Variants in KCNJ11 observed in about 807,000 individuals in gnomAD.
KCNJ11 encodes the protein potassium inwardly rectifying channel subfamily J member 11.
A neutral mutation model predicts 17.3 loss-of-function variants in KCNJ11; 12 were observed. That is an observed-to-expected ratio of 0.69 (90% confidence interval 0.44 to 1.12). The LOEUF (loss-of-function observed/expected upper bound fraction) is 1.12, where lower values mean the gene tolerates loss of function less well. KCNJ11 is among the 50% of genes most tolerant of loss of function. The pLI is 0.00. For synonymous variants in KCNJ11, 211 were observed against 223.4 expected, an observed-to-expected ratio of 0.94 and a Z score of 0.50; for missense variants, 386 against 554.1, an observed-to-expected ratio of 0.70 and a Z score of 3.05.
chr11:17,385,741 C>T lies in KCNJ11; in HGVS notation c.*1178G>A, dbSNP rs573875884. The T allele has an allele frequency of 1.1e-4, 17 of 152,568 alleles. No individual in the cohort carries two copies. Among genetic ancestry groups the T allele is most frequent in the African/African-American group, 4.1e-4 (17 of 41,590 alleles). 9.5% of individuals were successfully genotyped at this position (152,568 alleles called of 1,614,324 possible). A position where few individuals can be genotyped will look rare whatever the true frequency, so the allele number is the denominator to read the frequency against. ...GAGGTGCCAGCCTTCCGTCCCTCCC[C>T]TGCCCTCCCCGCTAGGGTCTATGGC... is the stretch of plus-strand genomic sequence containing the variant. On this transcript the variant is annotated 3_prime_UTR_variant, in exon 1 of 1. Coordinates refer to ENST00000339994, the MANE Select transcript of KCNJ11 (RefSeq NM_000525.4).
chr11:17,387,846 G>C lies in KCNJ11; in HGVS notation c.246C>G (p.Ser82Arg). Reference protein sequence around the residue: ...LLIFTMSFLCSWLLFAMAWWL... With the variant: ...LLIFTMSFLCRWLLFAMAWWL... ...ACCAGGCCATGGCGAAGAGCAGCCA[G>C]CTGCACAGGAAGGACATGGTGAAGA... Residue 82 changes from serine (S) to arginine (R), a missense_variant, in exon 1 of 1, where the codon AGC (serine) becomes AGG (arginine). Ser to Arg is a moderately radical substitution (Grantham distance 110, BLOSUM62 -1). Transcript: ENST00000339994. 6.2e-7 allele frequency: 1 copy of C among 1,613,878 alleles called. No homozygotes were observed. Among genetic ancestry groups the C allele is most frequent in the Non-Finnish European group, 8.5e-7 (1 of 1,179,822 alleles).
In KCNJ11 at chr11:17,386,643, G is replaced by A. The variant is rs1263330918; in HGVS notation, c.*276C>T. The A allele has an allele frequency of 6.4e-6, 3 of 466,588 alleles. No homozygotes were observed. Among genetic ancestry groups the A allele is most frequent in the African/African-American group, 1.9e-5 (1 of 51,650 alleles). 28.9% of individuals were successfully genotyped at this position (466,588 alleles called of 1,614,324 possible). ...AGGACTGGCTGGACGCACAGCTCTAGGGCCCAGTACCTCCCACAGCCTCTG... is the reference window on the plus strand; with the variant it reads ...AGGACTGGCTGGACGCACAGCTCTAAGGCCCAGTACCTCCCACAGCCTCTG... On this transcript the variant is annotated 3_prime_UTR_variant, in exon 1 of 1. Transcript: ENST00000339994.
At position 17,387,395 on chromosome 11, in the gene KCNJ11, G is replaced by T. The variant is rs1564865302; in HGVS notation, c.697C>A (p.Leu233Ile). The T allele has an allele frequency of 6.2e-7, 1 of 1,613,918 alleles. No homozygotes were observed. The highest frequency in any genetic ancestry group is 1.3e-5 in the African/African-American group (1 of 74,938). The change falls in exon 1 of 1, where the codon CTC (leucine) becomes ATC (isoleucine). Residue 233 changes from leucine (L) to isoleucine (I), a missense_variant. Physicochemically the swap from Leu to Ile is conservative, Grantham distance 5. Coordinates refer to ENST00000339994, the MANE Select transcript of KCNJ11 (RefSeq NM_000525.4). ...TCCATGGGGATGTCCACCTGGTGGA[G>T]GGGCACCACCTCGCCCTCGGGGCTG... is the stretch of plus-strand genomic sequence containing the variant. ...TTSPEGEVVPLHQVDIPMENG... is the reference protein window; with the variant it reads ...TTSPEGEVVPIHQVDIPMENG...
Position 17,385,503 on chromosome 11 carries a change from T to G in KCNJ11, c.*1416A>C, listed in dbSNP as rs1953543389. Among the ~76,000 whole-genome samples, 1 of 152,220 alleles carries G rather than the reference T, an allele frequency of 6.6e-6. No individual in the cohort carries two copies. Among genetic ancestry groups the G allele is most frequent in the Non-Finnish European group, 1.5e-5 (1 of 68,040 alleles). On this transcript the variant is annotated 3_prime_UTR_variant, in exon 1 of 1. Transcript: ENST00000339994. ...CAGGATTCGAACCCAGGCAGTTGGC[T>G]CGAGAGTTAGTGCTCCAATTACTAC...
In KCNJ11 at chr11:17,388,202, G is replaced by T; in HGVS notation, c.-111C>A. 1.1e-6 allele frequency: 1 copy of T among 907,070 alleles called. No homozygotes were observed. Among genetic ancestry groups the T allele is most frequent in the Non-Finnish European group, 1.7e-6 (1 of 584,602 alleles). The allele number at this position is 907,070 out of a possible 1,614,324, so 56.2% of individuals were successfully genotyped here. ...GTGGGCACCTTCTCACCCTGGGGCT[G>T]CACTCAGCCTGTGCTGGCCTCACTT... On this transcript the variant is annotated 5_prime_UTR_variant, in exon 1 of 1. Coordinates refer to ENST00000339994, the MANE Select transcript of KCNJ11 (RefSeq NM_000525.4).
In KCNJ11 at chr11:17,388,193, C is replaced by T; in HGVS notation, c.-102G>A. The T allele has an allele frequency of 2.0e-6, 2 of 990,234 alleles. No homozygotes were observed. The highest frequency in any genetic ancestry group is 1.5e-6 in the Non-Finnish European group (1 of 656,656). The allele number at this position is 990,234 out of a possible 1,614,324, so 61.3% of individuals were successfully genotyped here. A position where few individuals can be genotyped will look rare whatever the true frequency, so the allele number is the denominator to read the frequency against. On this transcript the variant is annotated 5_prime_UTR_variant, in exon 1 of 1. Coordinates refer to ENST00000339994, the MANE Select transcript of KCNJ11 (RefSeq NM_000525.4). ...GTCCTCTCGGTGGGCACCTTCTCAC[C>T]CTGGGGCTGCACTCAGCCTGTGCTG...
Position 17,388,289 on chromosome 11 carries a change from T to G in KCNJ11, c.-198A>C. On this transcript the variant is annotated 5_prime_UTR_variant, in exon 1 of 1. Transcript: ENST00000339994. ...ACCTGGGTCCCACTTCACTTCTTAATACCAGCCTCAGGCCGGGCGCGGTGG... is the reference window on the plus strand; with the variant it reads ...ACCTGGGTCCCACTTCACTTCTTAAGACCAGCCTCAGGCCGGGCGCGGTGG... 1.6e-6 allele frequency: 1 copy of G among 606,166 alleles called. No homozygotes were observed. The highest frequency in any genetic ancestry group is 3.0e-5 in the Admixed American group (1 of 33,214). The allele number at this position is 606,166 out of a possible 1,614,324, so 37.5% of individuals were successfully genotyped here. A position where few individuals can be genotyped will look rare whatever the true frequency, so the allele number is the denominator to read the frequency against.
chr11:17,387,967 C>A lies in KCNJ11; in HGVS notation c.125G>T (p.Cys42Phe), dbSNP rs534808921. The A allele has an allele frequency of 1.2e-6, 2 of 1,613,178 alleles. No homozygotes were observed. The highest frequency in any genetic ancestry group is 4.5e-5 in the East Asian group (2 of 44,818). The change falls in exon 1 of 1, where the codon TGC becomes TTC. Residue 42 changes from cysteine (C) to phenylalanine (F), a missense_variant. Coordinates refer to ENST00000339994, the MANE Select transcript of KCNJ11 (RefSeq NM_000525.4). The part of the protein sequence containing the change: ...RARFVSKKGN[C>F]NVAHKNIREQ... ...CCGGATGTTCTTGTGGGCCACGTTG[C>A]AGTTGCCTTTCTTGGACACAAAGCG...
rs1953563414 is a variant in KCNJ11, at chr11:17,386,810, G to C, written c.*109C>G. On this transcript the variant is annotated 3_prime_UTR_variant, in exon 1 of 1. Coordinates refer to ENST00000339994, the MANE Select transcript of KCNJ11 (RefSeq NM_000525.4). ...CTTGTAACACCCTGGATGAGCAGCA[G>C]GGGGAGGCTGAGCTGAGGCTGGCCC... is the stretch of plus-strand genomic sequence containing the variant. The C allele has an allele frequency of 1.1e-6, 1 of 916,790 alleles. No individual in the cohort carries two copies. The highest frequency in any genetic ancestry group is 2.7e-5 in the Admixed American group (1 of 37,042). 56.8% of individuals were successfully genotyped at this position (916,790 alleles called of 1,614,324 possible).
Position 17,387,875 on chromosome 11 carries a change from G to A in KCNJ11, c.217C>T (p.Leu73Phe), listed in dbSNP as rs1261731152. The change falls in exon 1 of 1, where the codon CTC (leucine) becomes TTC (phenylalanine). Residue 73 changes from leucine to phenylalanine, a missense_variant. By Grantham distance (22) the Leu-to-Phe change is conservative (BLOSUM62 0). Transcript: ENST00000339994. ...CACAGGAAGGACATGGTGAAGATGAGCAATGTGTGTGGCCACTTGAGGTCC... is the reference window on the plus strand; with the variant it reads ...CACAGGAAGGACATGGTGAAGATGAACAATGTGTGTGGCCACTTGAGGTCC... ...LVDLKWPHTL[L>F]IFTMSFLCSW... 3 of 1,611,554 alleles carry A rather than the reference G, an allele frequency of 1.9e-6. No individual in the cohort carries two copies. The highest frequency in any genetic ancestry group is 2.5e-6 in the Non-Finnish European group (3 of 1,177,856).
rs28936678 is a variant in KCNJ11, at chr11:17,387,652, A to G, written c.440T>C (p.Leu147Pro). The change falls in exon 1 of 1, where the codon CTG (leucine) becomes CCG (proline). Residue 147 changes from leucine (L) to proline (P), a missense_variant. Coordinates refer to ENST00000339994, the MANE Select transcript of KCNJ11 (RefSeq NM_000525.4). ...CACGATGTTCTGCACGATGAGGATC[A>G]GGATGGCCAGTGGGCACTCCTCAGT... Reference protein sequence around the residue: ...MVTEECPLAILILIVQNIVGL... With the variant: ...MVTEECPLAIPILIVQNIVGL... 4 of 1,614,074 alleles carry G rather than the reference A, an allele frequency of 2.5e-6. No individual in the cohort carries two copies. The highest frequency in any genetic ancestry group is 3.4e-6 in the Non-Finnish European group (4 of 1,180,024).
At position 17,388,245 on chromosome 11, in the gene KCNJ11, C is replaced by A. The variant is rs539975714; in HGVS notation, c.-154G>T. ...CCTCACTTCTGAGATAACTCCCCAC[C>A]AGACTCTTCCTTACCTCCACCTGGG... is the stretch of plus-strand genomic sequence containing the variant. On this transcript the variant is annotated 5_prime_UTR_variant, in exon 1 of 1. Transcript: ENST00000339994. The A allele has an allele frequency of 2.9e-4, 190 of 660,044 alleles. No individual in the cohort carries two copies. Among genetic ancestry groups the A allele is most frequent in the Admixed American group, 5.2e-4 (18 of 34,346 alleles). 40.9% of individuals were successfully genotyped at this position (660,044 alleles called of 1,614,324 possible). A position where few individuals can be genotyped will look rare whatever the true frequency, so the allele number is the denominator to read the frequency against.
Position 17,388,451 on chromosome 11 carries a change from G to A in KCNJ11, c.-360C>T, listed in dbSNP as rs762997173. 5.2e-5 allele frequency: 16 copies of A among 305,142 alleles called. No individual in the cohort carries two copies. Among genetic ancestry groups the A allele is most frequent in the Non-Finnish European group, 8.8e-5 (14 of 158,864 alleles). The allele number at this position is 305,142 out of a possible 1,614,324, so 18.9% of individuals were successfully genotyped here. Reference sequence around the variant, plus strand: ...AAAAGTTAGCCGGGCATGGTGGTGCGCACCTGTAATCCCAGCTACTCAGGA... The same window carrying A: ...AAAAGTTAGCCGGGCATGGTGGTGCACACCTGTAATCCCAGCTACTCAGGA... On this transcript the variant is annotated 5_prime_UTR_variant, in exon 1 of 1. Coordinates refer to ENST00000339994, the MANE Select transcript of KCNJ11 (RefSeq NM_000525.4).
In KCNJ11 at chr11:17,386,510, G is replaced by T. The variant is rs1176452535; in HGVS notation, c.*409C>A. 3 of 197,888 alleles carry T rather than the reference G, an allele frequency of 1.5e-5. No individual in the cohort carries two copies. The highest frequency in any genetic ancestry group is 3.1e-5 in the Non-Finnish European group (3 of 95,544). 12.3% of individuals were successfully genotyped at this position (197,888 alleles called of 1,614,324 possible). On this transcript the variant is annotated 3_prime_UTR_variant, in exon 1 of 1. Coordinates refer to ENST00000339994, the MANE Select transcript of KCNJ11 (RefSeq NM_000525.4). ...TTTTCAGGGACCAAGTAGAGCTGGG[G>T]CCTGACCACAGGCACTTCTTGGAGC...
chr11:17,388,944 GC>G (rs1261270525), upstream of KCNJ11: 10 of 427,834 alleles, frequency 2.3e-5, no homozygotes, highest in Non-Finnish European at 4.7e-5. Context: ...CCCTCCCGGA[GC>G]GCCCCCGCCG....
In KCNJ11 at chr11:17,388,268, G is replaced by C; in HGVS notation, c.-177C>G. 2 of 626,450 alleles carry C rather than the reference G, an allele frequency of 3.2e-6. No homozygotes were observed. The highest frequency in any genetic ancestry group is 5.7e-6 in the Non-Finnish European group (2 of 350,738). The allele number at this position is 626,450 out of a possible 1,614,324, so 38.8% of individuals were successfully genotyped here. ...ACCAGACTCTTCCTTACCTCCACCT[G>C]GGTCCCACTTCACTTCTTAATACCA... On this transcript the variant is annotated 5_prime_UTR_variant, in exon 1 of 1. Coordinates refer to ENST00000339994, the MANE Select transcript of KCNJ11 (RefSeq NM_000525.4).
At chr11:17,388,813 A>AC, upstream of KCNJ11, 1 of 448,008 alleles carries the variant, frequency 2.2e-6, no homozygotes, top group Non-Finnish European at 4.5e-6. Context: ...ACCGGACCTC[A>AC]CCCCCACCTC....
rs775204908 is a variant in KCNJ11 at position 17,387,476 on chromosome 11, G to A, written c.616C>T (p.Arg206Cys). Residue 206 changes from arginine to cysteine, a missense_variant, in exon 1 of 1, where the codon CGC (arginine) becomes TGC (cysteine). Transcript: ENST00000339994. ...LCFMLRVGDLRKSMIISATIH... is the reference protein window; with the variant it reads ...LCFMLRVGDLCKSMIISATIH... Reference sequence around the variant, plus strand: ...GTGGCGCTGATGATCATGCTCTTGCGGAGGTCACCCACACGTAGCATGAAG... The same window carrying A: ...GTGGCGCTGATGATCATGCTCTTGCAGAGGTCACCCACACGTAGCATGAAG... 5.0e-6 allele frequency: 8 copies of A among 1,612,394 alleles called. No individual in the cohort carries two copies. In the East Asian group the frequency reaches 6.7e-5, roughly 13 times the overall value.
rs1318438811 is a variant in KCNJ11, at chr11:17,385,876, T to C, written c.*1043A>G. ...AGTTTAGGTCATGAGGGGGAGGCTT[T>C]ATTGACAACGGAGAAGGCAGAGTTC... On this transcript the variant is annotated 3_prime_UTR_variant, in exon 1 of 1. Transcript: ENST00000339994. 6.6e-6 allele frequency: 1 copy of C among 152,334 alleles called. No homozygotes were observed. The highest frequency in any genetic ancestry group is 1.5e-5 in the Non-Finnish European group (1 of 68,116). The allele number at this position is 152,334 out of a possible 1,614,324, so 9.4% of individuals were successfully genotyped here.
Sources: gnomAD v4.1 joint callset for allele counts (sites outside exome capture counted in the v4.1 genomes callset) on GRCh38, gnomAD v4.1.1 for gene constraint, MANE v1.5 for transcripts, NCBI Gene and HGNC (gene_info 2026-07-23, HGNC 2026-07-21) for gene names.